TET3: variants seen among roughly 807,000 people sequenced by gnomAD.
TET3 encodes the protein tet methylcytosine dioxygenase 3.
Under a neutral mutation model 141.4 loss-of-function variants are expected in TET3, and 19 were observed. The ratio of observed to expected loss-of-function variants is 0.13; its 90% CI spans 0.09 to 0.20. The LOEUF is 0.20. Ranked by LOEUF, TET3 falls within the 10% of genes least tolerant of loss-of-function variation. TET3 has a pLI of 1.00. For missense variants in TET3, 1,874 were observed against 2,356.9 expected (o/e 0.80, Z 4.24); for synonymous variants, 1,043 against 980.9 (o/e 1.06, Z -1.18).
chr2:74,013,019 A>T (rs1172724357), intron 3 of TET3, among the ~76,000 whole-genome samples: 21 of 146,780 alleles, frequency 1.4e-4, no homozygotes. Flanking sequence ...TTTTTGAGAC[A>T]GAGTCTTGCT....
At chr2:74,079,931 G>A (rs1318650769) in intron 5 of TET3, among the ~76,000 whole-genome samples, 1 of 152,150 alleles carries the variant, frequency 6.6e-6, no homozygotes, top group Non-Finnish European at 1.5e-5. Context: ...GGGAGCCAGG[G>A]CAGGTGACGT....
intron 4 of TET3, among the ~76,000 whole-genome samples, chr2:74,057,383 A>G (rs555821014): frequency 2.0e-5 from 3 of 152,322 alleles, no homozygotes; most frequent in Admixed American, 6.5e-5. Flanking sequence ...CCCAGTCGCA[A>G]TTGTCCACAG....
the TET3 span, among the ~76,000 whole-genome samples, chr2:74,125,004 A>AT: frequency 1.7e-5 from 2 of 120,310 alleles, no homozygotes; most frequent in Non-Finnish European, 3.2e-5. Context: ...ACTACTCGGA[A>AT]TTTTTTTTCT....
intron 4 of TET3, among the ~76,000 whole-genome samples, chr2:74,068,432 CTTAA>C: frequency 6.6e-6 from 1 of 152,126 alleles, no homozygotes; most frequent in African/African-American, 2.4e-5. Flanking sequence ...TCTGAAGCTA[CTTAA>C]TTCCTTTTGA....
intron 3 of TET3, among the ~76,000 whole-genome samples, chr2:74,015,423 A>G (rs1327051729): frequency 2.0e-5 from 3 of 152,186 alleles, no homozygotes; most frequent in Non-Finnish European, 4.4e-5. Context: ...TTAACAATTT[A>G]TATATATCTT....
rs1691419897 is a variant in TET3 at position 74,104,991 on chromosome 2, A to C, written c.*2815A>C. 2.5e-6 allele frequency: 1 copy of C among 396,458 alleles called. No individual in the cohort carries two copies. Among genetic ancestry groups the C allele is most frequent in the Admixed American group, 4.4e-5 (1 of 22,676 alleles). 24.6% of individuals were successfully genotyped at this position (396,458 alleles called of 1,614,324 possible). On this transcript the variant is annotated 3_prime_UTR_variant, in exon 12 of 12. Coordinates refer to ENST00000409262, the MANE Select transcript of TET3 (RefSeq NM_001287491.2). The stretch of plus-strand genomic sequence containing the variant: ...CCTACCTCAAATCTCAGTCATTAAA[A>C]TTAGCATGCTTTAGACATATATTTA...
intron 4 of TET3, among the ~76,000 whole-genome samples, chr2:74,061,674 G>A (rs1290633236): frequency 1.4e-5 from 2 of 145,980 alleles, no homozygotes; most frequent in African/African-American, 2.6e-5. Context: ...GGTGGCTGCC[G>A]GGCGGAGGGG....
intron 3 of TET3, among the ~76,000 whole-genome samples, chr2:74,005,150 C>A (rs1267853221): frequency 2.6e-5 from 4 of 152,226 alleles, no homozygotes; most frequent in Non-Finnish European, 4.4e-5. Context: ...CTCCGTGTCT[C>A]CCTGCCTGCT....
chr2:74,123,867 C>A, the TET3 span, among the ~76,000 whole-genome samples: 4 of 149,260 alleles, frequency 2.7e-5, no homozygotes, highest in Admixed American at 6.6e-5. Flanking sequence ...GCCTCTGCCC[C>A]GCCGCCCCGT....
chr2:74,093,183 G>A lies in TET3; in HGVS notation c.3129+192G>A, dbSNP rs1357696676. Among the ~76,000 whole-genome samples the A allele has an allele frequency of 1.3e-5, 2 of 152,106 alleles. No individual in the cohort carries two copies. The highest frequency in any genetic ancestry group is 4.8e-5 in the African/African-American group (2 of 41,406). Reference sequence around the variant, plus strand: ...CACCAGGCTACCTGCATCCCACACCGTCCCTCTTCTATCCTGGTCTTCTCC... The same window carrying A: ...CACCAGGCTACCTGCATCCCACACCATCCCTCTTCTATCCTGGTCTTCTCC... On this transcript the variant is annotated intron_variant, in intron 9 of 11. Transcript: ENST00000409262. The surrounding 1 kb of genome is among the most constrained non-coding windows in gnomAD (Gnocchi z 4.2).
Position 74,101,119 on chromosome 2 carries a change from TGTCCCCCAAGAG to T in TET3, c.4333_4344del (p.Ser1445_Arg1448del). Reference sequence around the variant, plus strand: ...GGACAGTACTCAGGAGGCCCAAGCATGTCCCCCAAGAGGACTAACGGTGTGGGTGGCAGCTGG... The same window carrying T: ...GGACAGTACTCAGGAGGCCCAAGCATGACTAACGGTGTGGGTGGCAGCTGG... On this transcript the variant is annotated inframe_deletion, in exon 12 of 12. Transcript: ENST00000409262. This position sits in a 1 kb window ranked among gnomAD's most constrained non-coding sequence, Gnocchi z 8.5. 1 of 1,613,730 alleles carries T rather than the reference TGTCCCCCAAGAG, an allele frequency of 6.2e-7. No homozygotes were observed. The highest frequency in any genetic ancestry group is 8.5e-7 in the Non-Finnish European group (1 of 1,179,774).
At chr2:74,030,608 T>G (rs1015550711) in intron 3 of TET3, among the ~76,000 whole-genome samples, 2 of 152,226 alleles carry the variant, frequency 1.3e-5, no homozygotes, top group Non-Finnish European at 2.9e-5. Flanking sequence ...ACAGATTTAT[T>G]TACTTATTTA....
chr2:74,086,423 A>G (rs1248961002), intron 6 of TET3, among the ~76,000 whole-genome samples: 4 of 152,158 alleles, frequency 2.6e-5, no homozygotes, highest in African/African-American at 9.7e-5. Context: ...TTCTCGTACC[A>G]TACAGTTCAC....
Position 74,100,914 on chromosome 2 carries a change from C to G in TET3, c.4126C>G (p.His1376Asp), listed in dbSNP as rs1691167003. The change falls in exon 12 of 12, where the codon CAC (histidine) becomes GAC (aspartate). Residue 1376 changes from histidine (H) to aspartate (D), a missense_variant. Around this residue, in one of 10 missense-constraint regions of TET3, gnomAD observed 602 missense variants for 590.2 expected, o/e 1.02. Transcript: ENST00000409262. Reference sequence around the variant, plus strand: ...TCTGCTTCCCAAGGCCCCCCTACTCCACTCAGTGTCCAGGGACCCCTCCCC... The same window carrying G: ...TCTGCTTCCCAAGGCCCCCCTACTCGACTCAGTGTCCAGGGACCCCTCCCC... ...EYLLPKAPLL[H>D]SVSRDPSPFA... The G allele has an allele frequency of 6.2e-7, 1 of 1,610,394 alleles. No homozygotes were observed. The highest frequency in any genetic ancestry group is 1.1e-5 in the South Asian group (1 of 90,342).
the TET3 span, among the ~76,000 whole-genome samples, chr2:74,119,048 G>A: frequency 5.0e-4 from 76 of 152,224 alleles, 2 homozygotes; most frequent in African/African-American, 1.7e-3. Context: ...CTATCACTTT[G>A]TTCTTTCACA....
intron 2 of TET3, among the ~76,000 whole-genome samples, chr2:73,996,968 G>T (rs1488237079): frequency 6.6e-6 from 1 of 152,224 alleles, no homozygotes; most frequent in Non-Finnish European, 1.5e-5. Flanking sequence ...CACTGTTGAT[G>T]GCTGTTCCTG....
the TET3 span, among the ~76,000 whole-genome samples, chr2:74,128,759 A>G: frequency 6.6e-6 from 1 of 151,726 alleles, no homozygotes; most frequent in Non-Finnish European, 1.5e-5. Context: ...CAAGGCAGGA[A>G]GATCACTTGA....
At position 74,047,986 on chromosome 2, in the gene TET3, C is replaced by A; in HGVS notation, c.2069C>A (p.Thr690Lys). The change falls in exon 4 of 12, where the codon ACA becomes AAA. Residue 690 changes from threonine (T) to lysine (K), a missense_variant. By Grantham distance (78) the Thr-to-Lys change is moderately conservative. This residue lies in a region of TET3 where 484 missense variants were observed against 462.2 expected (regional missense o/e 1.05). Transcript: ENST00000409262. ...TQEMRSPSPM[T>K]ALQPGSTGPL... is the part of the protein sequence containing the mutation. ...GAAATGAGGTCCCCCAGCCCCATGA[C>A]AGCCTTGCAGCCAGGCTCCACTGGC... The A allele has an allele frequency of 1.2e-6, 2 of 1,609,596 alleles. No homozygotes were observed. Among genetic ancestry groups the A allele is most frequent in the Non-Finnish European group, 8.5e-7 (1 of 1,177,732 alleles).
chr2:74,018,595 A>G (rs1459172171), intron 3 of TET3, among the ~76,000 whole-genome samples: 2 of 152,190 alleles, frequency 1.3e-5, no homozygotes, highest in African/African-American at 2.4e-5. Flanking sequence ...TATGAATTCT[A>G]CCTTAAGCAT....
Sources: gnomAD v4.1 joint callset for allele counts (sites outside exome capture counted in the v4.1 genomes callset) on GRCh38, gnomAD v4.1.1 for gene constraint, gnomAD v4.1.1 regional missense constraint, Gnocchi (gnomAD v3.1) non-coding constraint, MANE v1.5 for transcripts, NCBI Gene and HGNC (gene_info 2026-07-23, HGNC 2026-07-21) for gene names.